The following SCAF11 variants were observed in gnomAD, a reference collection of about 807,000 sequenced individuals.
SCAF11 encodes the protein SR-related CTD associated factor 11.
A neutral mutation model predicts 140.5 loss-of-function variants in SCAF11; 47 were observed. The observed-to-expected ratio is 0.33, with a 90% CI of 0.26 to 0.43. SCAF11 has a LOEUF of 0.43. Ranked by LOEUF, SCAF11 falls within the 20% of genes least tolerant of loss-of-function variation. The pLI is 1.00. For synonymous variants in SCAF11, 557 were observed against 579.4 expected (o/e 0.96, Z 0.55); for missense variants, 1,645 against 1,705.1 (o/e 0.96, Z 0.62).
rs755048902 is a variant in SCAF11 at position 45,928,783 on chromosome 12, A to G, written c.918T>C (p.Asn306=). The change falls in exon 11 of 15, where the codon AAT becomes AAC. Residue 306 remains asparagine, a synonymous_variant. Transcript: ENST00000369367. ...EEKKQTSGTS[N]TRGSRRKPAM... ...CAGGTTTTCGTCTTGATCCTCTGGT[A>G]TTTGATGTACCAGAAGTTTGCTTCT... The G allele has an allele frequency of 1.9e-6, 3 of 1,613,372 alleles. No homozygotes were observed. Among genetic ancestry groups the G allele is most frequent in the Non-Finnish European group, 2.5e-6 (3 of 1,179,952 alleles).
At position 45,926,413 on chromosome 12, in the gene SCAF11, C is replaced by A. The variant is rs1186134143; in HGVS notation, c.3288G>T (p.Arg1096=). 6.2e-7 allele frequency: 1 copy of A among 1,614,080 alleles called. No homozygotes were observed. Among genetic ancestry groups the A allele is most frequent in the African/African-American group, 1.3e-5 (1 of 74,926 alleles). ...CTGAGAGGGGTTTTCGATTTTGCCA[C>A]CGATTTTCATTCTGATCTTTATAGG... ...SFAYKDQNEN[R]WQNRKPLSGN... is the part of the protein sequence containing the mutation. The change falls in exon 11 of 15, where the codon CGG becomes CGT. Residue 1096 remains arginine, a synonymous_variant. Transcript: ENST00000369367.
At chr12:45,943,901 C>T (rs1945363379) in intron 6 of SCAF11, among the ~76,000 whole-genome samples, 1 of 152,044 alleles carries the variant, frequency 6.6e-6, no homozygotes, top group Admixed American at 6.6e-5. Context: ...TCTAATATGC[C>T]ACATTCTAAA....
At position 45,990,562 on chromosome 12, in the gene SCAF11, G is replaced by T. The variant is rs1364517998; in HGVS notation, c.-231C>A. ...GGTTGCGCTGCTCCGCGCGGCTTAA[G>T]CCACCGCTACTCCCCCTTCCCCCGC... On this transcript the variant is annotated 5_prime_UTR_variant, in exon 1 of 15. Coordinates refer to ENST00000369367, the MANE Select transcript of SCAF11 (RefSeq NM_004719.3). 2.4e-5 allele frequency: 30 copies of T among 1,231,330 alleles called. No individual in the cohort carries two copies. The highest frequency in any genetic ancestry group is 4.2e-5 in the Admixed American group (1 of 23,680). 76.3% of individuals were successfully genotyped at this position (1,231,330 alleles called of 1,614,324 possible).
At chr12:45,965,421 G>A (rs894485532) in intron 1 of SCAF11, among the ~76,000 whole-genome samples, 4 of 152,178 alleles carry the variant, frequency 2.6e-5, no homozygotes, top group Non-Finnish European at 5.9e-5. Flanking sequence ...AATGAGAAAA[G>A]TGGGAAAGGA....
At chr12:45,990,002 C>G (rs1946555463) in intron 1 of SCAF11, among the ~76,000 whole-genome samples, 1 of 151,898 alleles carries the variant, frequency 6.6e-6, no homozygotes, top group Non-Finnish European at 1.5e-5. Context: ...ACCCTGCACC[C>G]GGACGGGGAC....
At chr12:45,937,100 T>C (rs1945189375) in intron 6 of SCAF11, among the ~76,000 whole-genome samples, 1 of 152,166 alleles carries the variant, frequency 6.6e-6, no homozygotes, top group Admixed American at 6.5e-5. Flanking sequence ...TGGACACCTG[T>C]GCTCTACTAT....
chr12:45,956,366 A>G lies in SCAF11; in HGVS notation c.220-4639T>C, dbSNP rs556753478. On this transcript the variant is annotated intron_variant, in intron 3 of 14. Coordinates refer to ENST00000369367, the MANE Select transcript of SCAF11 (RefSeq NM_004719.3). The stretch of plus-strand genomic sequence containing the variant: ...CAAAATCAAATAAAGATGACTTAGA[A>G]ATGCATACCATTAGTGGCTAATGCT... Among the ~76,000 whole-genome samples, 41 of 152,360 alleles carry G rather than the reference A, an allele frequency of 2.7e-4. 1 individual carries two copies. The highest frequency in any genetic ancestry group is 1.6e-3 in the Admixed American group (25 of 15,310).
intron 6 of SCAF11, among the ~76,000 whole-genome samples, chr12:45,941,612 C>A (rs117421238): frequency 0.011 from 1,604 of 152,250 alleles, 20 homozygotes; most frequent in South Asian, 0.026. Context: ...AAAGAGAATT[C>A]TTCATTATAC....
At chr12:45,975,568 C>A in intron 1 of SCAF11, 1 of 190,268 alleles carries the variant, frequency 5.3e-6, no homozygotes, top group South Asian at 1.3e-4. Flanking sequence ...AACTTTTCTT[C>A]TGCAGCTTCC....
rs368626096 is a variant in SCAF11 at position 45,927,009 on chromosome 12, C to G, written c.2692G>C (p.Val898Leu). The G allele has an allele frequency of 2.1e-5, 34 of 1,613,504 alleles. No individual in the cohort carries two copies. The highest frequency in any genetic ancestry group is 2.7e-5 in the Non-Finnish European group (32 of 1,180,028). Residue 898 changes from valine to leucine, a missense_variant, in exon 11 of 15, where the codon GTG (valine) becomes CTG (leucine). Coordinates refer to ENST00000369367, the MANE Select transcript of SCAF11 (RefSeq NM_004719.3). ...TTTTCTCCTGGGGAAGAATCTTTCA[C>G]TCTTGGCTGAGATCTTTTGTTCTCT... ...SRENKRSQPR[V>L]KDSSPGEKSR...
In SCAF11 at chr12:45,945,268, A is replaced by G; in HGVS notation, c.444T>C (p.Cys148=). ...VREDLLSAKV[C]DLKWIHRNSL... ...ACTTACTATGTATCCACTTCAAGTC[A>G]CAAACTTTTGCACTTAATAGATCTT... The change falls in exon 6 of 15, where the codon TGT becomes TGC. Residue 148 remains cysteine, a synonymous_variant. Transcript: ENST00000369367. 2 of 1,584,072 alleles carry G rather than the reference A, an allele frequency of 1.3e-6. No homozygotes were observed. Among genetic ancestry groups the G allele is most frequent in the Non-Finnish European group, 8.6e-7 (1 of 1,164,990 alleles).
chr12:45,924,867 T>A lies in SCAF11; in HGVS notation c.3767A>T (p.His1256Leu). 1.9e-6 allele frequency: 3 copies of A among 1,614,132 alleles called. No individual in the cohort carries two copies. The highest frequency in any genetic ancestry group is 2.5e-6 in the Non-Finnish European group (3 of 1,180,014). ...PFNIHPQLPL[H>L]LHTGVPLMQV... ...CATGAGGGGCACTCCTGTGTGGAGA[T>A]GCAAGGGTAGCTGAGGATGAATGTT... is the stretch of plus-strand genomic sequence containing the variant. The change falls in exon 12 of 15, where the codon CAT becomes CTT. Residue 1256 changes from histidine (H) to leucine (L), a missense_variant. His to Leu is a moderately conservative substitution (Grantham distance 99). Transcript: ENST00000369367.
At chr12:45,971,749 A>G (rs574242874) in intron 1 of SCAF11, among the ~76,000 whole-genome samples, 50 of 152,048 alleles carry the variant, frequency 3.3e-4, no homozygotes, top group African/African-American at 1.1e-3. Flanking sequence ...TCATGTCCCA[A>G]TTCCCAAATG....
intron 3 of SCAF11, chr12:45,953,896 G>A (rs764094424): frequency 1.0e-6 from 1 of 1,000,068 alleles, no homozygotes; most frequent in South Asian, 1.6e-5. Flanking sequence ...ATTATGTAAG[G>A]TCTTGTAATC....
chr12:45,964,948 T>TG (rs1945909934), intron 1 of SCAF11, among the ~76,000 whole-genome samples: 2 of 152,048 alleles, frequency 1.3e-5, no homozygotes, highest in African/African-American at 4.8e-5. Context: ...TGTGTGTGTC[T>TG]ACTAAGGAGA....
chr12:45,934,812 A>G (rs777362758), intron 6 of SCAF11, among the ~76,000 whole-genome samples: 18 of 152,190 alleles, frequency 1.2e-4, no homozygotes, highest in Non-Finnish European at 2.4e-4. Flanking sequence ...ATGCAAACTT[A>G]AAGTATCTTG....
In SCAF11 at chr12:45,928,449, C is replaced by G; in HGVS notation, c.1252G>C (p.Val418Leu). Residue 418 changes from valine (V) to leucine (L), a missense_variant, in exon 11 of 15, where the codon GTG (valine) becomes CTG (leucine). By Grantham distance (32) the Val-to-Leu change is conservative (BLOSUM62 1). Around this residue, in one of 2 missense-constraint regions of SCAF11, gnomAD observed 1,582 missense variants for 1,609.2 expected, o/e 0.98. Transcript: ENST00000369367. ...TCTGGTTGGTGCTCTTTTTCTAACA[C>G]AGGTGATGTGTCAGATTCTGCTGTT... is the stretch of plus-strand genomic sequence containing the variant. Reference protein sequence around the residue: ...EETAESDTSPVLEKEHQPDVD... With the variant: ...EETAESDTSPLLEKEHQPDVD... The G allele has an allele frequency of 6.2e-7, 1 of 1,612,570 alleles. No homozygotes were observed. The highest frequency in any genetic ancestry group is 8.5e-7 in the Non-Finnish European group (1 of 1,178,852).
At chr12:45,953,710 T>C (rs1005101837) in intron 3 of SCAF11, 12 of 176,350 alleles carry the variant, frequency 6.8e-5, no homozygotes, top group Admixed American at 6.0e-4. Flanking sequence ...AAAACTAAGA[T>C]GTATAGAGGC....
intron 1 of SCAF11, among the ~76,000 whole-genome samples, chr12:45,973,536 ACAT>A (rs1239449272): frequency 6.6e-6 from 1 of 152,172 alleles, no homozygotes; most frequent in African/African-American, 2.4e-5. Context: ...GCCTGGACAC[ACAT>A]CAGAGTCAAG....
Sources: allele counts gnomAD v4.1 joint callset (sites outside exome capture counted in the v4.1 genomes callset), GRCh38; gene constraint gnomAD v4.1.1; regional missense constraint gnomAD v4.1.1; transcripts MANE v1.5; gene names NCBI Gene and HGNC (gene_info 2026-07-23, HGNC 2026-07-21).